TBX20: variants seen among roughly 807,000 people sequenced by gnomAD.
TBX20 encodes the protein T-box transcription factor 20, also known as T-box transcription factor TBX20.
TBX20 carries 8 observed loss-of-function variants against 42.9 expected under a neutral mutation model. The observed-to-expected ratio is 0.19, with a 90% CI of 0.11 to 0.34. The LOEUF (loss-of-function observed/expected upper bound fraction) is 0.34, where lower values mean the gene tolerates loss of function less well. TBX20 is among the 10% of genes least tolerant of loss of function. TBX20 has a pLI of 1.00. For synonymous variants in TBX20, 198 were observed against 222.8 expected, an observed-to-expected ratio of 0.89 and a Z score of 0.99; for missense variants, 411 against 566.0, an observed-to-expected ratio of 0.73 and a Z score of 2.78.
chr7:35,241,071 C>T (rs1339276654), intron 4 of TBX20, 34 bp from the exon 5 acceptor site: 1 of 1,602,930 alleles, frequency 6.2e-7, no homozygotes, highest in Non-Finnish European at 8.5e-7. Flanking sequence ...CTGAATTTTA[C>T]ATACTTATAC....
At chr7:35,230,161 C>T (rs1389344639) in intron 6 of TBX20, among the ~76,000 whole-genome samples, 8 of 152,256 alleles carry the variant, frequency 5.3e-5, no homozygotes, top group African/African-American at 1.7e-4. Flanking sequence ...TACATAAACC[C>T]GGTCTGCAGC....
chr7:35,230,221 T>G (rs1344223658), intron 6 of TBX20, among the ~76,000 whole-genome samples: 3 of 152,126 alleles, frequency 2.0e-5, no homozygotes, highest in African/African-American at 7.2e-5. Flanking sequence ...CTAAATGAAG[T>G]TGCCTTTTGC....
intron 6 of TBX20, among the ~76,000 whole-genome samples, chr7:35,211,895 A>T (rs1789503107): frequency 6.6e-6 from 1 of 152,136 alleles, no homozygotes; most frequent in African/African-American, 2.4e-5. Flanking sequence ...TGACTATAAC[A>T]TAATTTGGTA....
chr7:35,246,034 A>C (rs113409526), intron 3 of TBX20, among the ~76,000 whole-genome samples: 16 of 152,346 alleles, frequency 1.1e-4, no homozygotes, highest in African/African-American at 3.8e-4. Context: ...TTAAACATAA[A>C]TATTTTTACT....
intron 4 of TBX20, 128 bp from the exon 5 acceptor site, chr7:35,241,165 C>A (rs1191749372): frequency 8.2e-6 from 6 of 732,478 alleles, no homozygotes; most frequent in African/African-American, 3.5e-5. Flanking sequence ...ATGGATCTAC[C>A]CTTTCCAGCC....
chr7:35,207,561 G>A (rs1451491166), intron 6 of TBX20, among the ~76,000 whole-genome samples: 1 of 152,106 alleles, frequency 6.6e-6, no homozygotes, highest in Non-Finnish European at 1.5e-5. Flanking sequence ...TCTTTGCCTA[G>A]CCCAAGACCA....
At chr7:35,243,973 C>T (rs764647712) in intron 4 of TBX20, among the ~76,000 whole-genome samples, 4 of 152,162 alleles carry the variant, frequency 2.6e-5, no homozygotes, top group East Asian at 1.9e-4. Context: ...TTATTATCTC[C>T]TTATGACCAT....
intron 6 of TBX20, among the ~76,000 whole-genome samples, chr7:35,220,533 G>A (rs1379694639): frequency 2.0e-5 from 3 of 152,150 alleles, no homozygotes; most frequent in Non-Finnish European, 2.9e-5. Context: ...ATCTATCTGC[G>A]ACAACTCTCT....
rs769824644 is a variant in TBX20, at chr7:35,244,921, C to T, written c.654+28G>A. ...GACCTGTCCATTCTACCTCAGGGAACCTGCACAGTCCAAGGCATGGTACTT... is the reference window on the plus strand; with the variant it reads ...GACCTGTCCATTCTACCTCAGGGAATCTGCACAGTCCAAGGCATGGTACTT... On this transcript the variant is annotated intron_variant, in intron 4 of 7. Coordinates refer to ENST00000408931, the MANE Select transcript of TBX20 (RefSeq NM_001077653.2). 2.6e-6 allele frequency: 4 copies of T among 1,548,308 alleles called. No individual in the cohort carries two copies. In the African/African-American group the frequency reaches 5.4e-5, roughly 21 times the overall value.
chr7:35,226,962 T>C (rs1208983463), intron 6 of TBX20, among the ~76,000 whole-genome samples: 1 of 151,978 alleles, frequency 6.6e-6, no homozygotes, highest in East Asian at 1.9e-4. Context: ...TTATTGCCCC[T>C]GAAGACCTTC....
At chr7:35,250,781 T>G (rs1156421534) in intron 1 of TBX20, among the ~76,000 whole-genome samples, 1 of 152,238 alleles carries the variant, frequency 6.6e-6, no homozygotes, top group Non-Finnish European at 1.5e-5. Flanking sequence ...TTACTTCACC[T>G]CTGTGCCTGA....
chr7:35,245,620 C>T (rs563632158), intron 3 of TBX20, among the ~76,000 whole-genome samples: 2 of 152,176 alleles, frequency 1.3e-5, no homozygotes, highest in South Asian at 2.1e-4. Context: ...CCCAGTAGTC[C>T]ACCGATCAGC....
intron 6 of TBX20, among the ~76,000 whole-genome samples, chr7:35,220,853 AG>A (rs1789671327): frequency 6.6e-6 from 1 of 152,238 alleles, no homozygotes; most frequent in South Asian, 2.1e-4. Context: ...TTAAAATTTT[AG>A]TAAGATTTAA....
At position 35,228,098 on chromosome 7, in the gene TBX20, A is replaced by T. The variant is rs1406882946; in HGVS notation, c.890+3406T>A. The stretch of plus-strand genomic sequence containing the variant: ...ACAATTAAAAATAATACTATGATAA[A>T]AAAAAAAACATCCTTTGACTCAGCA... On this transcript the variant is annotated intron_variant, in intron 6 of 7. Coordinates refer to ENST00000408931, the MANE Select transcript of TBX20 (RefSeq NM_001077653.2). 5.0e-5 allele frequency among the ~76,000 whole-genome samples: 6 copies of T among 118,944 alleles called. No individual in the cohort carries two copies. The South Asian group carries it at 1.1e-3, about 22-fold the overall frequency. 78.0% of individuals were successfully genotyped at this position (118,944 alleles called of 152,430 possible). A position where few individuals can be genotyped will look rare whatever the true frequency, so the allele number is the denominator to read the frequency against.
At chr7:35,243,350 T>C (rs185239220) in intron 4 of TBX20, among the ~76,000 whole-genome samples, 128 of 152,212 alleles carry the variant, frequency 8.4e-4, no homozygotes, top group African/African-American at 3.0e-3. Context: ...TTTTTTAAGG[T>C]ATAATCTTGG....
chr7:35,218,861 TG>T (rs1438139035), intron 6 of TBX20, among the ~76,000 whole-genome samples: 1 of 152,156 alleles, frequency 6.6e-6, no homozygotes, highest in Admixed American at 6.5e-5. Flanking sequence ...CCCTCATGAA[TG>T]AGACTAGTGC....
At chr7:35,239,729 G>C (rs1486108737) in intron 5 of TBX20, among the ~76,000 whole-genome samples, 1 of 151,940 alleles carries the variant, frequency 6.6e-6, no homozygotes, top group African/African-American at 2.4e-5. Context: ...ATGAAGAAAT[G>C]CATTAATTTA....
intron 6 of TBX20, among the ~76,000 whole-genome samples, chr7:35,217,834 C>T (rs1789615750): frequency 6.6e-6 from 1 of 152,142 alleles, no homozygotes; most frequent in South Asian, 2.1e-4. Flanking sequence ...GATTGTCCTG[C>T]CTCAGCCTCC....
intron 5 of TBX20, 148 bp downstream of exon 5, chr7:35,240,731 C>T: frequency 4.3e-6 from 3 of 703,974 alleles, no homozygotes; most frequent in Non-Finnish European, 7.2e-6. Context: ...TCAACACACT[C>T]TTAGAGTTCC....
Sources: allele counts gnomAD v4.1 joint callset (sites outside exome capture counted in the v4.1 genomes callset), GRCh38; gene constraint gnomAD v4.1.1; transcripts MANE v1.5; gene names NCBI Gene and HGNC (gene_info 2026-07-23, HGNC 2026-07-21).